The following ALK variants were observed in gnomAD, a reference collection of about 807,000 sequenced individuals.
The protein encoded by ALK is ALK receptor tyrosine kinase.
Under a neutral mutation model 163.1 loss-of-function variants are expected in ALK, and 74 were observed. The ratio of observed to expected loss-of-function variants is 0.45; its 90% CI spans 0.38 to 0.55. ALK has a LOEUF of 0.55. Among genes scored for constraint, ALK ranks in the 20% least tolerant of loss-of-function variants. The probability of loss-of-function intolerance (pLI) is 0.00; values close to 1 mark genes in which losing one functional copy is unlikely to be tolerated. For synonymous variants in ALK, 960 were observed against 843.2 expected, an observed-to-expected ratio of 1.14 and a Z score of -2.40; for missense variants, 2,063 against 2,105.3, an observed-to-expected ratio of 0.98 and a Z score of 0.39.
At chr2:29,359,590 TG>T (rs1668341334) in intron 5 of ALK, among the ~76,000 whole-genome samples, 1 of 152,248 alleles carries the variant, frequency 6.6e-6, no homozygotes, top group Non-Finnish European at 1.5e-5. Flanking sequence ...AAAAGCTGAC[TG>T]GTAATTTATG....
chr2:29,644,560 A>C (rs1011379887), intron 3 of ALK, among the ~76,000 whole-genome samples: 1 of 94,966 alleles, frequency 1.1e-5, no homozygotes, highest in Non-Finnish European at 2.2e-5. Flanking sequence ...TATCTTTTCA[A>C]ATTAAGGTTT....
chr2:29,589,325 T>C (rs4305230), intron 3 of ALK, among the ~76,000 whole-genome samples: 85,997 of 151,902 alleles, frequency 0.57, 24,635 homozygotes, highest in East Asian at 0.61. Flanking sequence ...GCAGGACAAA[T>C]TGCCGTGAAT....
chr2:29,919,675 G>T (rs1385362321), intron 1 of ALK, among the ~76,000 whole-genome samples: 2 of 152,210 alleles, frequency 1.3e-5, no homozygotes, highest in Non-Finnish European at 2.9e-5. Flanking sequence ...CATTTCAACT[G>T]TCCCGGGGCC....
chr2:29,334,775 G>T (rs1194425249), intron 5 of ALK, among the ~76,000 whole-genome samples: 2 of 152,170 alleles, frequency 1.3e-5, no homozygotes, highest in Admixed American at 6.5e-5. Context: ...GTCCCACAGG[G>T]AGCTTTGTGC....
intron 1 of ALK, among the ~76,000 whole-genome samples, chr2:29,737,743 C>T (rs1280712140): frequency 6.6e-6 from 1 of 152,098 alleles, no homozygotes; most frequent in African/African-American, 2.4e-5. Flanking sequence ...GTTACCTCCA[C>T]CATCCTTCCC....
At chr2:29,510,935 G>A (rs6719507) in intron 4 of ALK, among the ~76,000 whole-genome samples, 70,451 of 151,902 alleles carry the variant, frequency 0.46, 17,008 homozygotes, top group African/African-American at 0.59. Flanking sequence ...TGAAGGGTAG[G>A]TAAGGCTAAA....
At chr2:29,210,019 A>G (rs995823935) in intron 24 of ALK, 141 bp from the exon 25 acceptor site, 16 of 702,004 alleles carry the variant, frequency 2.3e-5, no homozygotes, top group Non-Finnish European at 3.8e-5. Flanking sequence ...AGTATACTTC[A>G]GTGTGAGAGA....
rs115750606 is a variant in ALK at position 29,460,244 on chromosome 2, A to G, written c.1154+71671T>C. Among the ~76,000 whole-genome samples the G allele has an allele frequency of 1.2e-3, 186 of 152,318 alleles. 1 individual carries two copies. The highest frequency in any genetic ancestry group is 3.8e-3 in the African/African-American group (159 of 41,586). The stretch of plus-strand genomic sequence containing the variant: ...TTAAAGAAAGAGTTTTGATGCATGA[A>G]AAAATCGTTTGAAATACAATAGCAT... On this transcript the variant is annotated intron_variant, in intron 4 of 28. Transcript: ENST00000389048.
At chr2:29,671,614 A>G (rs1677691708) in intron 3 of ALK, among the ~76,000 whole-genome samples, 1 of 151,960 alleles carries the variant, frequency 6.6e-6, no homozygotes, top group African/African-American at 2.4e-5. Context: ...ATGAGGAAAG[A>G]TTTTCTATGA....
At chr2:29,245,704 C>T (rs1435172485) in intron 12 of ALK, among the ~76,000 whole-genome samples, 2 of 144,566 alleles carry the variant, frequency 1.4e-5, no homozygotes, top group African/African-American at 5.2e-5. Flanking sequence ...GGCTCAATGC[C>T]CTGCACACAG....
intron 8 of ALK, among the ~76,000 whole-genome samples, chr2:29,311,135 C>A (rs55724433): frequency 0.14 from 21,796 of 152,236 alleles, 1,843 homozygotes; most frequent in South Asian, 0.21. Flanking sequence ...GCTGCCAGGG[C>A]TCAGCCCTCC....
chr2:29,810,844 A>T (rs964354437), intron 1 of ALK, among the ~76,000 whole-genome samples: 1 of 152,166 alleles, frequency 6.6e-6, no homozygotes, highest in African/African-American at 2.4e-5. Flanking sequence ...ATTTAAGGTT[A>T]AATGAAGTTA....
chr2:29,739,240 T>TAAAAAAAAAAAAAA (rs57381961), intron 1 of ALK, among the ~76,000 whole-genome samples: 3 of 40,334 alleles, frequency 7.4e-5, no homozygotes, highest in African/African-American at 3.1e-4. Context: ...CAGTCTCTCT[T>TAAAAAAAAAAAAAA]AAAAAAAAAA....
chr2:29,200,048 C>T (rs1408309415), intron 26 of ALK, among the ~76,000 whole-genome samples: 1 of 152,148 alleles, frequency 6.6e-6, no homozygotes, highest in Non-Finnish European at 1.5e-5. Context: ...TAATCCGAGA[C>T]AGACTGGAAT....
At chr2:29,365,385 C>A (rs1668479436) in intron 5 of ALK, among the ~76,000 whole-genome samples, 1 of 152,176 alleles carries the variant, frequency 6.6e-6, no homozygotes, top group Non-Finnish European at 1.5e-5. Flanking sequence ...TGATGGCCAT[C>A]TCTGGCCCAT....
At chr2:29,325,764 A>G (rs1390506477) in intron 6 of ALK, among the ~76,000 whole-genome samples, 1 of 152,234 alleles carries the variant, frequency 6.6e-6, no homozygotes, top group Non-Finnish European at 1.5e-5. Flanking sequence ...TCTAACAAAG[A>G]TGGGTACAAT....
intron 3 of ALK, among the ~76,000 whole-genome samples, chr2:29,593,271 G>C (rs1675113854): frequency 6.6e-6 from 1 of 152,196 alleles, no homozygotes; most frequent in Non-Finnish European, 1.5e-5. Flanking sequence ...GGTCAGAAAA[G>C]TCCCAGAAGA....
chr2:29,565,904 G>A (rs1211396264), intron 3 of ALK, among the ~76,000 whole-genome samples: 1 of 152,230 alleles, frequency 6.6e-6, no homozygotes, highest in Non-Finnish European at 1.5e-5. Context: ...AGAAAAGAAA[G>A]AGAAACCCTA....
chr2:29,810,902 A>C (rs913049392), intron 1 of ALK, among the ~76,000 whole-genome samples: 2 of 152,026 alleles, frequency 1.3e-5, no homozygotes, highest in African/African-American at 4.8e-5. Flanking sequence ...CTCTCTGCAC[A>C]CTCTCAGAAG....
Sources: allele counts gnomAD v4.1 joint callset (sites outside exome capture counted in the v4.1 genomes callset), GRCh38; gene constraint gnomAD v4.1.1; transcripts MANE v1.5; gene names NCBI Gene and HGNC (gene_info 2026-07-23, HGNC 2026-07-21).